The following PTPRD variants were observed in gnomAD, a reference collection of about 807,000 sequenced individuals.
The protein encoded by PTPRD is receptor-type tyrosine-protein phosphatase delta.
PTPRD carries 34 observed loss-of-function variants against 214.5 expected under a neutral mutation model. That is an observed-to-expected ratio of 0.16 (90% confidence interval 0.12 to 0.21). PTPRD has a LOEUF of 0.21. PTPRD is among the 10% of genes least tolerant of loss of function. The probability of loss-of-function intolerance (pLI) is 1.00; values close to 1 mark genes in which losing one functional copy is unlikely to be tolerated. For missense variants in PTPRD, 2,545 were observed against 2,398.7 expected (o/e 1.06, Z -1.27); for synonymous variants, 1,128 against 845.7 (o/e 1.33, Z -5.79).
At chr9:10,295,961 C>T (rs2095661451) in intron 3 of PTPRD, among the ~76,000 whole-genome samples, 1 of 151,966 alleles carries the variant, frequency 6.6e-6, no homozygotes, top group African/African-American at 2.4e-5. Flanking sequence ...AGAGAATAAT[C>T]TTCATTTTCT....
chr9:9,752,481 G>A (rs1225788703), intron 6 of PTPRD, among the ~76,000 whole-genome samples: 1 of 151,976 alleles, frequency 6.6e-6, no homozygotes, highest in African/African-American at 2.4e-5. Flanking sequence ...GAATCCTTGT[G>A]TACTAGTTTC....
At chr9:9,684,917 A>T (rs188841543) in intron 7 of PTPRD, among the ~76,000 whole-genome samples, 6 of 151,458 alleles carry the variant, frequency 4.0e-5, no homozygotes, top group African/African-American at 1.2e-4. Flanking sequence ...TGTTGTATTA[A>T]TTTTTTCCTA....
chr9:8,614,689 T>C (rs1043337004), intron 14 of PTPRD, among the ~76,000 whole-genome samples: 9 of 152,262 alleles, frequency 5.9e-5, no homozygotes, highest in African/African-American at 2.2e-4. Context: ...CATTGGGATC[T>C]TGGACCTTTA....
At chr9:9,166,850 G>C (rs2099905260) in intron 10 of PTPRD, among the ~76,000 whole-genome samples, 4 of 152,122 alleles carry the variant, frequency 2.6e-5, no homozygotes, top group Non-Finnish European at 5.9e-5. Context: ...ACCTATAGTT[G>C]TAAGAGGTTT....
chr9:9,855,048 C>G (rs1025766290), intron 5 of PTPRD, among the ~76,000 whole-genome samples: 2 of 152,168 alleles, frequency 1.3e-5, no homozygotes, highest in Admixed American at 6.5e-5. Context: ...TTCAAGCTTT[C>G]CCCATAGCCG....
intron 37 of PTPRD, among the ~76,000 whole-genome samples, chr9:8,385,737 A>C (rs75072021): frequency 6.6e-6 from 1 of 152,162 alleles, no homozygotes; most frequent in East Asian, 1.9e-4. Context: ...ATTATAGTCA[A>C]TGTAGCAGCC....
intron 9 of PTPRD, among the ~76,000 whole-genome samples, chr9:9,276,213 A>T (rs1945574482): frequency 6.6e-6 from 1 of 151,398 alleles, no homozygotes; most frequent in Admixed American, 6.6e-5. Flanking sequence ...GAAGACTCAC[A>T]TCAGTCATTT....
chr9:9,517,749 A>G (rs184891257), intron 8 of PTPRD, among the ~76,000 whole-genome samples: 88 of 152,148 alleles, frequency 5.8e-4, no homozygotes, highest in Non-Finnish European at 8.7e-4. Flanking sequence ...CCAGAAAAAA[A>G]TGGTGCATAT....
At chr9:9,298,200 C>T (rs1334573474) in intron 9 of PTPRD, among the ~76,000 whole-genome samples, 1 of 151,430 alleles carries the variant, frequency 6.6e-6, no homozygotes, top group African/African-American at 2.4e-5. Flanking sequence ...TGTTATTAAC[C>T]TAAAGGTTTC....
intron 11 of PTPRD, among the ~76,000 whole-genome samples, chr9:9,007,822 T>C (rs1236025198): frequency 1.4e-5 from 2 of 148,072 alleles, no homozygotes; most frequent in African/African-American, 2.5e-5. Flanking sequence ...ACACCATAAA[T>C]ATATAATTTT....
chr9:8,827,081 T>A (rs973589074), intron 11 of PTPRD, among the ~76,000 whole-genome samples: 2 of 151,998 alleles, frequency 1.3e-5, no homozygotes, highest in Non-Finnish European at 2.9e-5. Flanking sequence ...CCCTCATGGT[T>A]CAGAGTAGAC....
intron 9 of PTPRD, among the ~76,000 whole-genome samples, chr9:9,296,827 T>A (rs1953234610): frequency 6.6e-6 from 1 of 151,810 alleles, no homozygotes; most frequent in South Asian, 2.1e-4. Flanking sequence ...AAATTTTACA[T>A]TACTTTTGAT....
chr9:10,319,141 G>T (rs984516113), intron 3 of PTPRD, among the ~76,000 whole-genome samples: 1 of 152,066 alleles, frequency 6.6e-6, no homozygotes, highest in South Asian at 2.1e-4. Flanking sequence ...ACCAGCATAA[G>T]CTACTTATTA....
At chr9:8,580,909 T>C (rs2093009398) in intron 14 of PTPRD, among the ~76,000 whole-genome samples, 1 of 152,236 alleles carries the variant, frequency 6.6e-6, no homozygotes, top group African/African-American at 2.4e-5. Flanking sequence ...ATCACTGACA[T>C]CCTATTTCCC....
intron 11 of PTPRD, among the ~76,000 whole-genome samples, chr9:8,809,153 ACTT>A (rs1192217733): frequency 1.3e-5 from 2 of 152,060 alleles, no homozygotes; most frequent in Non-Finnish European, 2.9e-5. Context: ...AGCATCCTAT[ACTT>A]CATCTATCTC....
At chr9:9,219,982 A>C (rs1416449849) in intron 9 of PTPRD, among the ~76,000 whole-genome samples, 1 of 152,168 alleles carries the variant, frequency 6.6e-6, no homozygotes, top group African/African-American at 2.4e-5. Flanking sequence ...TCACAGTGAT[A>C]TACAAACTCA....
At chr9:8,691,821 C>T (rs1198637560) in intron 12 of PTPRD, among the ~76,000 whole-genome samples, 1 of 152,134 alleles carries the variant, frequency 6.6e-6, no homozygotes, top group East Asian at 1.9e-4. Flanking sequence ...CTTTATGCAA[C>T]TTTATTTTAT....
At chr9:10,113,132 G>C (rs1048987999) in intron 3 of PTPRD, among the ~76,000 whole-genome samples, 5 of 152,158 alleles carry the variant, frequency 3.3e-5, no homozygotes, top group African/African-American at 9.7e-5. Flanking sequence ...GTTTTGAGAG[G>C]ATGCAAGTAT....
chr9:8,940,446 C>CTTTTTTTT (rs34288443), intron 11 of PTPRD, among the ~76,000 whole-genome samples: 9 of 95,020 alleles, frequency 9.5e-5, no homozygotes, highest in Non-Finnish European at 1.2e-4. Flanking sequence ...CCACTCCCAG[C>CTTTTTTTT]TTTTTTTTTT....
Sources: gnomAD v4.1 joint callset for allele counts (sites outside exome capture counted in the v4.1 genomes callset) on GRCh38, gnomAD v4.1.1 for gene constraint, MANE v1.5 for transcripts, NCBI Gene and HGNC (gene_info 2026-07-23, HGNC 2026-07-21) for gene names.